SDK1: variants seen among roughly 807,000 people sequenced by gnomAD.
SDK1 encodes the protein protein sidekick-1.
Under a neutral mutation model 245.5 loss-of-function variants are expected in SDK1, and 157 were observed. The ratio of observed to expected loss-of-function variants is 0.64; its 90% CI spans 0.56 to 0.73. SDK1 has a LOEUF of 0.73. Ranked by LOEUF, SDK1 falls within the 30% of genes least tolerant of loss-of-function variation. The pLI, the probability that SDK1 is intolerant of heterozygous loss-of-function variation, is 0.00. For synonymous variants in SDK1, 1,647 were observed against 1,278.5 expected, an observed-to-expected ratio of 1.29 and a Z score of -6.15; for missense variants, 3,583 against 3,002.3, an observed-to-expected ratio of 1.19 and a Z score of -4.52.
chr7:4,215,596 C>T (rs1350352267), intron 38 of SDK1, among the ~76,000 whole-genome samples: 3 of 152,222 alleles, frequency 2.0e-5, no homozygotes, highest in Non-Finnish European at 4.4e-5. Flanking sequence ...CAATGTGTGA[C>T]CGCAGACATG....
chr7:4,066,346 A>G (rs1162318464), intron 19 of SDK1, among the ~76,000 whole-genome samples: 2 of 152,168 alleles, frequency 1.3e-5, no homozygotes, highest in African/African-American at 2.4e-5. Flanking sequence ...GCTGAGATCA[A>G]TGGATGGAGG....
At chr7:3,612,359 A>G (rs1481355908) in intron 1 of SDK1, among the ~76,000 whole-genome samples, 1 of 152,222 alleles carries the variant, frequency 6.6e-6, no homozygotes, top group African/African-American at 2.4e-5. Context: ...ACCTCACCCC[A>G]GAAGTACATT....
intron 22 of SDK1, among the ~76,000 whole-genome samples, chr7:4,088,967 C>G (rs373951871): frequency 6.6e-6 from 1 of 151,600 alleles, no homozygotes; most frequent in East Asian, 1.9e-4. Context: ...TGAGGCCCCT[C>G]AGAGGGAGGT....
chr7:4,196,650 C>A (rs895635529), intron 35 of SDK1, among the ~76,000 whole-genome samples: 1 of 150,988 alleles, frequency 6.6e-6, no homozygotes, highest in Non-Finnish European at 1.5e-5. Context: ...TGCTCACCCC[C>A]ACAGTGCTCT....
At chr7:4,055,734 A>G (rs1285407885) in intron 19 of SDK1, among the ~76,000 whole-genome samples, 1 of 151,886 alleles carries the variant, frequency 6.6e-6, no homozygotes, top group Non-Finnish European at 1.5e-5. Context: ...TTATTGGTTG[A>G]AGACCTTTCC....
chr7:4,260,395 G>A (rs1251764327), intron 44 of SDK1, among the ~76,000 whole-genome samples: 5 of 137,524 alleles, frequency 3.6e-5, no homozygotes, highest in African/African-American at 1.1e-4. Context: ...TGGCTGCTCC[G>A]GGGCCTCGGT....
chr7:3,468,877 CTCA>C (rs1464478368), intron 1 of SDK1, among the ~76,000 whole-genome samples: 1 of 152,188 alleles, frequency 6.6e-6, no homozygotes, highest in Non-Finnish European at 1.5e-5. Flanking sequence ...TCATTGTCCT[CTCA>C]TCAGTGATTT....
At chr7:3,862,384 T>A (rs182192546) in intron 5 of SDK1, among the ~76,000 whole-genome samples, 2 of 152,192 alleles carry the variant, frequency 1.3e-5, no homozygotes, top group Admixed American at 1.3e-4. Flanking sequence ...TCGGTCTGTG[T>A]TGTTGTGGCA....
intron 1 of SDK1, among the ~76,000 whole-genome samples, chr7:3,576,210 CT>C (rs1780285644): frequency 6.6e-6 from 1 of 152,148 alleles, no homozygotes; most frequent in Admixed American, 6.5e-5. Context: ...AATAATAATG[CT>C]GTGCCATTCA....
chr7:3,627,991 T>C (rs887958879), intron 2 of SDK1, among the ~76,000 whole-genome samples: 1 of 152,194 alleles, frequency 6.6e-6, no homozygotes, highest in African/African-American at 2.4e-5. Flanking sequence ...CATTTCTTTC[T>C]CAAATCTCTC....
At chr7:3,455,454 A>G (rs917510572) in intron 1 of SDK1, among the ~76,000 whole-genome samples, 33 of 149,956 alleles carry the variant, frequency 2.2e-4, no homozygotes, top group African/African-American at 8.1e-4. Flanking sequence ...TTCATTTTCT[A>G]TAAATGTGAG....
intron 5 of SDK1, among the ~76,000 whole-genome samples, chr7:3,892,574 AT>A (rs1302427213): frequency 6.6e-6 from 1 of 152,246 alleles, no homozygotes; most frequent in African/African-American, 2.4e-5. Flanking sequence ...GAGACAAATC[AT>A]TTTGAACAAG....
chr7:3,544,546 A>G (rs983679815), intron 1 of SDK1, among the ~76,000 whole-genome samples: 3 of 152,194 alleles, frequency 2.0e-5, no homozygotes, highest in African/African-American at 7.2e-5. Context: ...TGATGCCCCA[A>G]AGTAGCGTTT....
At chr7:3,601,805 C>G (rs927092384) in intron 1 of SDK1, among the ~76,000 whole-genome samples, 4 of 150,106 alleles carry the variant, frequency 2.7e-5, no homozygotes, top group African/African-American at 7.4e-5. Flanking sequence ...TTAGGTATAT[C>G]TCCTAATGCT....
chr7:3,323,622 A>G (rs972909349), intron 1 of SDK1, among the ~76,000 whole-genome samples: 4 of 152,204 alleles, frequency 2.6e-5, no homozygotes, highest in Non-Finnish European at 4.4e-5. Context: ...TCCATCTTCA[A>G]ACCAGCAATG....
chr7:3,465,128 C>T (rs1425651201), intron 1 of SDK1, among the ~76,000 whole-genome samples: 5 of 152,094 alleles, frequency 3.3e-5, no homozygotes, highest in African/African-American at 1.2e-4. Flanking sequence ...CTCCTTGACG[C>T]AAATTGGCAT....
chr7:3,807,541 A>G lies in SDK1; in HGVS notation c.714-13909A>G, dbSNP rs577112649. 2.9e-3 allele frequency among the ~76,000 whole-genome samples: 444 copies of G among 152,262 alleles called. 3 individuals are homozygous for G. Among genetic ancestry groups the G allele is most frequent in the African/African-American group, 0.01 (421 of 41,540 alleles). On this transcript the variant is annotated intron_variant, in intron 4 of 44. Transcript: ENST00000404826. ...AGTGGGGGTATCTGATTGGAGACCT[A>G]TAGAAAGGGGGAGACAGAGACAGAC...
intron 5 of SDK1, among the ~76,000 whole-genome samples, chr7:3,834,434 C>T (rs549602758): frequency 1.3e-5 from 2 of 152,292 alleles, no homozygotes; most frequent in South Asian, 4.2e-4. Flanking sequence ...GCTTCCGAAG[C>T]ACAGGCAAGG....
At chr7:3,930,932 C>A (rs1476441967) in intron 5 of SDK1, among the ~76,000 whole-genome samples, 1 of 152,154 alleles carries the variant, frequency 6.6e-6, no homozygotes, top group East Asian at 1.9e-4. Context: ...TTATCTATAG[C>A]CATTTCTTAG....
Sources: allele counts gnomAD v4.1 joint callset (sites outside exome capture counted in the v4.1 genomes callset), GRCh38; gene constraint gnomAD v4.1.1; transcripts MANE v1.5; gene names NCBI Gene and HGNC (gene_info 2026-07-23, HGNC 2026-07-21).